Variants in PES1 observed in about 807,000 individuals in gnomAD.
PES1 encodes the protein pescadillo ribosomal biogenesis factor 1.
PES1 carries 31 observed loss-of-function variants against 77.1 expected under a neutral mutation model. The ratio of observed to expected loss-of-function variants is 0.40; its 90% CI spans 0.30 to 0.54. PES1 has a LOEUF of 0.54. Ranked by LOEUF, PES1 falls within the 20% of genes least tolerant of loss-of-function variation. The probability of loss-of-function intolerance (pLI) is 0.45; values close to 1 mark genes in which losing one functional copy is unlikely to be tolerated. For missense variants in PES1, 658 were observed against 771.7 expected (o/e 0.85, Z 1.75); for synonymous variants, 282 against 303.0 (o/e 0.93, Z 0.72).
chr22:30,586,132 C>T (rs1175245100), intron 4 of PES1, among the ~76,000 whole-genome samples: 1 of 152,232 alleles, frequency 6.6e-6, no homozygotes, highest in African/African-American at 2.4e-5. Flanking sequence ...TCACCACAAC[C>T]ACATCACCAC....
intron 6 of PES1, 70 bp from the exon 7 acceptor site, chr22:30,581,714 A>G: frequency 9.3e-7 from 1 of 1,078,122 alleles, no homozygotes; most frequent in Non-Finnish European, 1.4e-6. Context: ...CAGACAACCC[A>G]CAGAGTGGAG....
At position 30,589,173 on chromosome 22, in the gene PES1, C is replaced by T. The variant is rs753824410; in HGVS notation, c.104+18G>A. Reference sequence around the variant, plus strand: ...TGCAATTCACTGCCCGGGCTTCCCACGGTCCCTCTATATTCACCTAAAGTC... The same window carrying T: ...TGCAATTCACTGCCCGGGCTTCCCATGGTCCCTCTATATTCACCTAAAGTC... On this transcript the variant is annotated intron_variant, in intron 2 of 14. Transcript: ENST00000354694. 1.1e-5 allele frequency: 18 copies of T among 1,602,954 alleles called. No individual in the cohort carries two copies. The highest frequency in any genetic ancestry group is 3.4e-5 in the Admixed American group (2 of 59,592).
chr22:30,596,988 G>A (rs563078921), intron 2 of PES1, among the ~76,000 whole-genome samples: 64 of 152,346 alleles, frequency 4.2e-4, no homozygotes, highest in African/African-American at 1.4e-3. Flanking sequence ...GCCACGGGCA[G>A]TGAGGGGCTT....
intron 4 of PES1, among the ~76,000 whole-genome samples, chr22:30,586,625 A>G (rs1164470326): frequency 6.6e-6 from 1 of 152,222 alleles, no homozygotes; most frequent in Non-Finnish European, 1.5e-5. Flanking sequence ...GTCTCCAGAC[A>G]TTGCCAAATG....
chr22:30,579,124 C>G lies in PES1; in HGVS notation c.1521+13G>C. The G allele has an allele frequency of 6.2e-7, 1 of 1,607,738 alleles. No individual in the cohort carries two copies. The highest frequency in any genetic ancestry group is 8.5e-7 in the Non-Finnish European group (1 of 1,179,800). On this transcript the variant is annotated intron_variant, in intron 13 of 14. Transcript: ENST00000354694. ...GCTTCCCAGGCCAAGCCCCGCATTG[C>G]AGCTCCCCCTACCTTCCCCTCCATC...
chr22:30,592,668 A>G (rs2087200742), upstream of PES1, among the ~76,000 whole-genome samples: 1 of 152,150 alleles, frequency 6.6e-6, no homozygotes, highest in Non-Finnish European at 1.5e-5. Context: ...ATGGTGGCAC[A>G]CGCCTGTAAT....
In PES1 at chr22:30,601,118, C is replaced by T. The variant is rs990443489; in HGVS notation, c.-661+4343G>A. On this transcript the variant is annotated intron_variant, in intron 2 of 16. Transcript: ENST00000402281. ...GACCTCGAGTTATATATCATCACTT[C>T]TGCATTCTGCTACTGACAAGGATGT... Among the ~76,000 whole-genome samples, 22 of 152,160 alleles carry T rather than the reference C, an allele frequency of 1.4e-4. 4 individuals carry two copies. The highest frequency in any genetic ancestry group is 1.3e-3 in the Admixed American group (20 of 15,270).
exon 1 of PES1, chr22:30,606,896 G>C (rs1264297152): frequency 8.5e-6 from 9 of 1,061,440 alleles, no homozygotes; most frequent in Non-Finnish European, 1.0e-5. Flanking sequence ...GGAGTACCGG[G>C]TAGGCACCCG....
intron 6 of PES1, among the ~76,000 whole-genome samples, chr22:30,582,574 G>A (rs1159603711): frequency 1.3e-5 from 2 of 152,112 alleles, no homozygotes; most frequent in African/African-American, 4.8e-5. Context: ...CATGGAGGCC[G>A]AGCCAGCCCA....
upstream of PES1, chr22:30,591,932 A>T (rs555489165): frequency 2.7e-6 from 4 of 1,460,864 alleles, no homozygotes; most frequent in South Asian, 1.4e-5. Context: ...TCCCCACCCC[A>T]CGCTGTCTGT....
At chr22:30,606,675 C>T (rs1210856810) in intron 1 of PES1, 2 of 131,006 alleles carry the variant, frequency 1.5e-5, no homozygotes, top group African/African-American at 6.6e-5. Flanking sequence ...CCTCAATTGC[C>T]CAACTCCCCC....
At chr22:30,580,508 G>A in intron 10 of PES1, 63 bp downstream of exon 10, 4 of 1,595,224 alleles carry the variant, frequency 2.5e-6, no homozygotes, top group Non-Finnish European at 3.4e-6. Flanking sequence ...TGGGCACCAG[G>A]GCAGGACCCA....
upstream of PES1, chr22:30,592,256 G>A (rs1372060964): frequency 2.9e-5 from 29 of 1,005,600 alleles, no homozygotes; most frequent in Non-Finnish European, 3.4e-5. Flanking sequence ...TGCGCGATAG[G>A]ATTGCGTTGT....
In PES1 at chr22:30,588,127, T is replaced by C. The variant is rs1294882817; in HGVS notation, c.152A>G (p.Lys51Arg). The C allele has an allele frequency of 6.2e-7, 1 of 1,614,068 alleles. No homozygotes were observed. The change falls in exon 3 of 15, where the codon AAG becomes AGG. Residue 51 changes from lysine (K) to arginine (R), a missense_variant. Coordinates refer to ENST00000354694, the MANE Select transcript of PES1 (RefSeq NM_014303.4). ...TGTAGAACCCTTGTTAACCTTCTTC[T>C]TGTGTTTGGGTTCATGGGGATAAAT... ...KGIYPHEPKH[K>R]KKVNKGSTAA...
chr22:30,606,903 C>T (rs2087458514), exon 1 of PES1: 26 of 1,062,076 alleles, frequency 2.4e-5, no homozygotes, highest in Non-Finnish European at 2.6e-5. Flanking sequence ...CGGGTAGGCA[C>T]CCGGTCCTGC....
At chr22:30,584,500 G>C (rs750771690) in intron 5 of PES1, 46 bp from the exon 6 acceptor site, 4 of 1,609,320 alleles carry the variant, frequency 2.5e-6, no homozygotes, top group Non-Finnish European at 3.4e-6. Context: ...TGGGGTGGCA[G>C]GAGAGGGGGC....
intron 2 of PES1, among the ~76,000 whole-genome samples, chr22:30,603,528 C>T (rs1433631882): frequency 6.6e-6 from 1 of 151,922 alleles, no homozygotes; most frequent in Non-Finnish European, 1.5e-5. Context: ...ACCACAGGCA[C>T]ATGCCACCAT....
intron 2 of PES1, among the ~76,000 whole-genome samples, chr22:30,599,517 A>C (rs1202774955): frequency 6.6e-6 from 1 of 152,214 alleles, no homozygotes; most frequent in Non-Finnish European, 1.5e-5. Flanking sequence ...TCTTAGGTGA[A>C]CATCTGATAG....
At chr22:30,599,205 G>A (rs2087316410) in intron 2 of PES1, among the ~76,000 whole-genome samples, 1 of 151,934 alleles carries the variant, frequency 6.6e-6, no homozygotes, top group African/African-American at 2.4e-5. Flanking sequence ...CCTGACTCAA[G>A]TAAATCTTTA....
Sources: allele counts gnomAD v4.1 joint callset (sites outside exome capture counted in the v4.1 genomes callset), GRCh38; gene constraint gnomAD v4.1.1; transcripts MANE v1.5; gene names NCBI Gene and HGNC (gene_info 2026-07-23, HGNC 2026-07-21).